The following MFN2 variants were observed in gnomAD, a reference collection of about 807,000 sequenced individuals.
MFN2 encodes mitofusin-2.
MFN2 carries 43 observed loss-of-function variants against 87.5 expected under a neutral mutation model. The ratio of observed to expected loss-of-function variants is 0.49; its 90% CI spans 0.38 to 0.63. The LOEUF (loss-of-function observed/expected upper bound fraction) is 0.63. Among genes scored for constraint, MFN2 ranks in the 30% least tolerant of loss-of-function variants. MFN2 has a pLI of 0.00. For synonymous variants in MFN2, 337 were observed against 359.9 expected (o/e 0.94, Z 0.72); for missense variants, 743 against 972.8 (o/e 0.76, Z 3.14).
intron 1 of MFN2, chr1:11,981,755 G>T (rs907201300): frequency 6.6e-6 from 1 of 152,318 alleles, no homozygotes; most frequent in Admixed American, 6.5e-5. Context: ...CGCACATGGC[G>T]GAATACGTGT....
chr1:11,991,014 T>TGCAGGG (rs1638651792), intron 3 of MFN2, among the ~76,000 whole-genome samples: 1 of 152,178 alleles, frequency 6.6e-6, no homozygotes, highest in African/African-American at 2.4e-5. Flanking sequence ...GCCTCATAGT[T>TGCAGGG]CCCAGGAGTG....
rs759079800 is a variant in MFN2 at position 11,999,107 on chromosome 1, T to C, written c.816+12T>C. On this transcript the variant is annotated intron_variant, in intron 8 of 18. Coordinates refer to ENST00000235329, the MANE Select transcript of MFN2 (RefSeq NM_014874.4). ...AGTACATGGAGGAGGTTCGTGCTTC[T>C]GTTTGGCAGTTTGGGGAATGCAACC... 2 of 1,613,172 alleles carry C rather than the reference T, an allele frequency of 1.2e-6. No individual in the cohort carries two copies. Among genetic ancestry groups the C allele is most frequent in the Non-Finnish European group, 1.7e-6 (2 of 1,179,076 alleles).
Position 12,004,920 on chromosome 1 carries a change from C to T in MFN2, c.1488C>T (p.Asp496=). 4 of 1,608,148 alleles carry T rather than the reference C, an allele frequency of 2.5e-6. No homozygotes were observed. The highest frequency in any genetic ancestry group is 3.4e-6 in the Non-Finnish European group (4 of 1,177,232). ...ACTCCCTGCAGACCATGCAGCAGGA[C>T]ATGATAGGTTAGTGCCCATGGGGAA... The part of the protein sequence containing the change: ...ITNSLQTMQQ[D]MIDGLKPLLP... Residue 496 remains aspartate (D), a synonymous_variant, in exon 14 of 19, where the codon GAC becomes GAT. Coordinates refer to ENST00000235329, the MANE Select transcript of MFN2 (RefSeq NM_014874.4). This position sits in a 1 kb window ranked among gnomAD's most constrained non-coding sequence, Gnocchi z 4.2.
At chr1:12,006,728 GGAGGGCAGGTGGGCGGGGCCT>G (rs780468034) in intron 16 of MFN2, 35 bp downstream of exon 16, 2 of 1,613,450 alleles carry the variant, frequency 1.2e-6, no homozygotes, top group Admixed American at 3.3e-5. Context: ...AGGTGGGGGC[GGAGGGCAGGTGGGCGGGGCCT>G]GAGGGCTAGG....
intron 2 of MFN2, among the ~76,000 whole-genome samples, chr1:11,988,403 GTTTTT>G (rs761186739): frequency 7.3e-6 from 1 of 137,850 alleles, no homozygotes; most frequent in African/African-American, 2.7e-5. Flanking sequence ...ATGCCTGGCT[GTTTTT>G]TTTTTTTTTT....
At chr1:11,996,934 A>C (rs960240275) in intron 5 of MFN2, among the ~76,000 whole-genome samples, 4 of 151,100 alleles carry the variant, frequency 2.6e-5, no homozygotes, top group African/African-American at 9.8e-5. Flanking sequence ...GCTAGTCGCG[A>C]GGCTGAGGCA....
chr1:11,999,159 G>GA, intron 8 of MFN2, 64 bp downstream of exon 8: 1 of 1,288,772 alleles, frequency 7.8e-7, no homozygotes, highest in Non-Finnish European at 1.1e-6. Context: ...TGCCACTGGG[G>GA]CCACTTCCTG....
chr1:11,990,566 T>G (rs1185445750), intron 3 of MFN2, among the ~76,000 whole-genome samples: 1 of 152,202 alleles, frequency 6.6e-6, no homozygotes, highest in South Asian at 2.1e-4. Flanking sequence ...TGCAGGTGTT[T>G]ATGTGATGCA....
rs1456617634 is a variant in MFN2 at position 12,011,464 on chromosome 1, A to G, written c.2205-32A>G. 4.3e-6 allele frequency: 7 copies of G among 1,612,866 alleles called. No homozygotes were observed. In the African/African-American group the frequency reaches 5.3e-5, roughly 12 times the overall value. ...GTCCTAATACTGCCTATCATCAGCT[A>G]TCATGGTTACAAAAGAACCATTTCT... is the stretch of plus-strand genomic sequence containing the variant. On this transcript the variant is annotated intron_variant, in intron 18 of 18. Coordinates refer to ENST00000235329, the MANE Select transcript of MFN2 (RefSeq NM_014874.4).
chr1:12,001,350 G>C, intron 8 of MFN2, 51 bp from the exon 9 acceptor site: 2 of 1,608,120 alleles, frequency 1.2e-6, no homozygotes, highest in Non-Finnish European at 1.7e-6. Context: ...AGGCAGGTGG[G>C]GGCTGTGGGG....
intron 4 of MFN2, among the ~76,000 whole-genome samples, chr1:11,995,393 G>A (rs901242394): frequency 2.0e-5 from 3 of 152,208 alleles, no homozygotes; most frequent in Non-Finnish European, 4.4e-5. Context: ...AGCACTTTGG[G>A]AGGTTGAAGC....
chr1:12,002,123 G>C lies in MFN2; in HGVS notation c.1160+20G>C. 6.2e-7 allele frequency: 1 copy of C among 1,614,136 alleles called. No homozygotes were observed. Among genetic ancestry groups the C allele is most frequent in the South Asian group, 1.1e-5 (1 of 91,032 alleles). Reference sequence around the variant, plus strand: ...GCAGCAGTAAGAGTCCAAGACTGCAGATAGGTGGAGAGAGCTGCCGAGACA... The same window carrying C: ...GCAGCAGTAAGAGTCCAAGACTGCACATAGGTGGAGAGAGCTGCCGAGACA... On this transcript the variant is annotated intron_variant, in intron 11 of 18. Coordinates refer to ENST00000235329, the MANE Select transcript of MFN2 (RefSeq NM_014874.4).
rs886453383 is a variant in MFN2 at position 12,013,309 on chromosome 1, G to A, written c.*1744G>A. On this transcript the variant is annotated 3_prime_UTR_variant, in exon 19 of 19. Coordinates refer to ENST00000235329, the MANE Select transcript of MFN2 (RefSeq NM_014874.4). ...AAATTAAATTTATACCACTGAGGGA[G>A]AGACCCTTTCTGAAAGAAGTATGGC... 1.1e-5 allele frequency: 5 copies of A among 469,100 alleles called. No homozygotes were observed. Among genetic ancestry groups the A allele is most frequent in the African/African-American group, 1.0e-4 (5 of 50,040 alleles). The allele number at this position is 469,100 out of a possible 1,614,324, so 29.1% of individuals were successfully genotyped here. A position where few individuals can be genotyped will look rare whatever the true frequency, so the allele number is the denominator to read the frequency against.
At position 11,992,589 on chromosome 1, in the gene MFN2, C is replaced by A; in HGVS notation, c.210C>A (p.Thr70=). The A allele has an allele frequency of 6.2e-7, 1 of 1,614,164 alleles. No homozygotes were observed. The highest frequency in any genetic ancestry group is 8.5e-7 in the Non-Finnish European group (1 of 1,180,040). Residue 70 remains threonine (T), a synonymous_variant, in exon 4 of 19, where the codon ACC becomes ACA. Transcript: ENST00000235329. ...GGAATGCAGAACTGGACCCCGTTAC[C>A]ACAGAAGAACAGGTTCTGGACGTCA... ...TYRNAELDPV[T]TEEQVLDVKG...
At chr1:12,011,277 C>T (rs1257335699) in intron 18 of MFN2, among the ~76,000 whole-genome samples, 1 of 152,190 alleles carries the variant, frequency 6.6e-6, no homozygotes, top group Non-Finnish European at 1.5e-5. Flanking sequence ...ATCAGAAAAG[C>T]CTAACTTGTA....
rs1639170220 is a variant in MFN2, at chr1:12,001,470, C to T, written c.886C>T (p.Gln296Ter). Reference sequence around the variant, plus strand: ...TGAGCTGGGCGTGGTGGATCGATCCCAGGCCGGGGACCGCATCTTCTTTGT... The same window carrying T: ...TGAGCTGGGCGTGGTGGATCGATCCTAGGCCGGGGACCGCATCTTCTTTGT... Reference protein sequence around the residue: ...VDELGVVDRSQAGDRIFFVSA... With the variant: ...VDELGVVDRS The change falls in exon 9 of 19, where the codon CAG (glutamine) becomes TAG (stop). Residue 296 changes from glutamine to a stop codon, truncating the protein, a stop_gained. Transcript: ENST00000235329. LOFTEE classifies it high-confidence loss of function. 2 of 1,614,088 alleles carry T rather than the reference C, an allele frequency of 1.2e-6. No individual in the cohort carries two copies. The highest frequency in any genetic ancestry group is 1.7e-6 in the Non-Finnish European group (2 of 1,179,988).
At chr1:11,998,141 C>T (rs1639010246) in intron 6 of MFN2, among the ~76,000 whole-genome samples, 1 of 151,828 alleles carries the variant, frequency 6.6e-6, no homozygotes, top group African/African-American at 2.4e-5. Flanking sequence ...CTTAGCCTCC[C>T]AAAGTGCTGG....
intron 4 of MFN2, 140 bp from the exon 5 acceptor site, chr1:11,996,016 C>T (rs1410704725): frequency 3.9e-6 from 4 of 1,033,630 alleles, no homozygotes; most frequent in African/African-American, 1.6e-5. Context: ...ACAGTGCCTA[C>T]TCTTTGTCTC....
chr1:11,999,817 G>A lies in MFN2; in HGVS notation c.816+722G>A, dbSNP rs576400266. Among the ~76,000 whole-genome samples, 87 of 152,140 alleles carry A rather than the reference G, an allele frequency of 5.7e-4. 1 individual carries two copies. The highest frequency in any genetic ancestry group is 1.9e-3 in the African/African-American group (78 of 41,530). On this transcript the variant is annotated intron_variant, in intron 8 of 18. Transcript: ENST00000235329. ...TCTCCAAAAAAATAAAGGGTAGGCC[G>A]GGCGCGGTGGCTCACGCCTGTAATC... is the stretch of plus-strand genomic sequence containing the variant.
Sources: gnomAD v4.1 joint callset for allele counts (sites outside exome capture counted in the v4.1 genomes callset) on GRCh38, gnomAD v4.1.1 for gene constraint, Gnocchi (gnomAD v3.1) non-coding constraint, MANE v1.5 for transcripts, NCBI Gene and HGNC (gene_info 2026-07-23, HGNC 2026-07-21) for gene names.